TTLL11: variants seen among roughly 807,000 people sequenced by gnomAD.
TTLL11 encodes tubulin tyrosine ligase like 11.
Under a neutral mutation model 51.7 loss-of-function variants are expected in TTLL11, and 42 were observed. The ratio of observed to expected loss-of-function variants is 0.81; its 90% CI spans 0.64 to 1.05. TTLL11 has a LOEUF of 1.05. TTLL11 is among the 50% of genes least tolerant of loss of function. The pLI is 0.00. For synonymous variants in TTLL11, 381 were observed against 383.5 expected, an observed-to-expected ratio of 0.99 and a Z score of 0.08; for missense variants, 799 against 940.4, an observed-to-expected ratio of 0.85 and a Z score of 1.97.
intron 1 of TTLL11, among the ~76,000 whole-genome samples, chr9:122,065,765 A>G (rs1217624717): frequency 6.6e-6 from 1 of 152,208 alleles, no homozygotes; most frequent in African/African-American, 2.4e-5. Context: ...AATAGGTGAG[A>G]TAATGGAGGG....
intron 7 of TTLL11, among the ~76,000 whole-genome samples, chr9:121,864,991 T>C (rs1838136076): frequency 6.6e-6 from 1 of 152,172 alleles, no homozygotes; most frequent in African/African-American, 2.4e-5. Context: ...ATGTGAAAGC[T>C]AACAAATGAT....
chr9:122,030,203 G>C (rs75499532), intron 3 of TTLL11, among the ~76,000 whole-genome samples: 1 of 53,072 alleles, frequency 1.9e-5, no homozygotes, highest in Non-Finnish European at 3.7e-5. Context: ...GAGAGACATT[G>C]GGGGGGGGGG....
chr9:122,013,059 T>C (rs575462204), intron 3 of TTLL11, among the ~76,000 whole-genome samples: 2 of 152,286 alleles, frequency 1.3e-5, no homozygotes, highest in African/African-American at 4.8e-5. Flanking sequence ...GGAGAGCAGA[T>C]AAGTAAATGT....
At chr9:122,033,662 G>A (rs1699038500) in intron 2 of TTLL11, among the ~76,000 whole-genome samples, 1 of 152,152 alleles carries the variant, frequency 6.6e-6, no homozygotes, top group Non-Finnish European at 1.5e-5. Context: ...AAACATCTGG[G>A]AAGGAAAGTT....
In TTLL11 at chr9:121,981,127, C is replaced by A. The variant is rs113988736; in HGVS notation, c.1270-6148G>T. ...ATTTGGAAAATTTTGGCCATTATTT[C>A]TTCAAAAGTTTTTTTTTTTTTAAAT... On this transcript the variant is annotated intron_variant, in intron 4 of 8. Coordinates refer to ENST00000321582, the MANE Select transcript of TTLL11 (RefSeq NM_001139442.2). Among the ~76,000 whole-genome samples the A allele has an allele frequency of 6.3e-3, 876 of 139,662 alleles. 10 individuals carry two copies. The highest frequency in any genetic ancestry group is 0.023 in the African/African-American group (844 of 36,202). 91.6% of individuals were successfully genotyped at this position (139,662 alleles called of 152,430 possible). A position where few individuals can be genotyped will look rare whatever the true frequency, so the allele number is the denominator to read the frequency against.
chr9:121,872,507 T>A (rs968857350), intron 6 of TTLL11, among the ~76,000 whole-genome samples: 3 of 152,364 alleles, frequency 2.0e-5, no homozygotes, highest in Middle Eastern at 3.4e-3. Context: ...TGAAAAAGTT[T>A]GCAACGTAAG....
chr9:121,845,904 T>C (rs763054219), intron 8 of TTLL11, among the ~76,000 whole-genome samples: 3 of 152,142 alleles, frequency 2.0e-5, no homozygotes, highest in Admixed American at 6.5e-5. Context: ...CAAACATTGA[T>C]AGGTATCAAT....
chr9:121,945,951 C>T (rs1841645118), intron 6 of TTLL11, among the ~76,000 whole-genome samples: 1 of 152,138 alleles, frequency 6.6e-6, no homozygotes, highest in Admixed American at 6.5e-5. Flanking sequence ...CCCATCCTTC[C>T]TTCCATCTTT....
intron 6 of TTLL11, among the ~76,000 whole-genome samples, chr9:121,937,574 C>G (rs577094643): frequency 3.3e-5 from 5 of 151,128 alleles, no homozygotes; most frequent in Middle Eastern, 3.4e-3. Flanking sequence ...TATTCCCCCC[C>G]ACCCTTCTCT....
chr9:122,093,256 C>T lies in TTLL11; in HGVS notation c.-108G>A, dbSNP rs754366015. 8 of 1,520,316 alleles carry T rather than the reference C, an allele frequency of 5.3e-6. No homozygotes were observed. Among genetic ancestry groups the T allele is most frequent in the Non-Finnish European group, 7.0e-6 (8 of 1,146,080 alleles). The allele number at this position is 1,520,316 out of a possible 1,614,324, so 94.2% of individuals were successfully genotyped here. A position where few individuals can be genotyped will look rare whatever the true frequency, so the allele number is the denominator to read the frequency against. On this transcript the variant is annotated 5_prime_UTR_variant, in exon 1 of 9. Transcript: ENST00000321582. The stretch of plus-strand genomic sequence containing the variant: ...CCGCTGCAGCCGCTGCCACGCGTTC[C>T]CCGCCCGAGCCCGTTGCCATGATCG...
At chr9:121,974,496 A>G (rs1349364725) in intron 5 of TTLL11, among the ~76,000 whole-genome samples, 1 of 151,640 alleles carries the variant, frequency 6.6e-6, no homozygotes, top group African/African-American at 2.4e-5. Context: ...GGGGAGGGGG[A>G]GAAAAATATA....
chr9:122,020,334 A>C (rs1432226165), intron 3 of TTLL11, among the ~76,000 whole-genome samples: 5 of 152,200 alleles, frequency 3.3e-5, no homozygotes, highest in Non-Finnish European at 5.9e-5. Context: ...ATTTGCCCTC[A>C]GCCCTGTCCA....
At chr9:122,059,182 C>T (rs1588245850) in intron 1 of TTLL11, among the ~76,000 whole-genome samples, 1 of 152,180 alleles carries the variant, frequency 6.6e-6, no homozygotes, top group Non-Finnish European at 1.5e-5. Context: ...ACTCAGGAAA[C>T]TGAGATTCTA....
chr9:122,049,829 G>T (rs1845111161), intron 1 of TTLL11, among the ~76,000 whole-genome samples: 1 of 152,164 alleles, frequency 6.6e-6, no homozygotes, highest in African/African-American at 2.4e-5. Context: ...TCTGTACTTT[G>T]TGAATGATTT....
intron 8 of TTLL11, among the ~76,000 whole-genome samples, chr9:121,855,801 T>C (rs1196974679): frequency 6.6e-6 from 1 of 152,230 alleles, no homozygotes; most frequent in Non-Finnish European, 1.5e-5. Flanking sequence ...ATGCTTTGCA[T>C]GTTCCAGGCC....
intron 1 of TTLL11, among the ~76,000 whole-genome samples, chr9:122,067,653 C>T (rs541875375): frequency 5.4e-4 from 83 of 152,296 alleles, no homozygotes; most frequent in South Asian, 3.1e-3. Flanking sequence ...CAGGCGCCCA[C>T]TGCCACGCCC....
chr9:121,911,261 G>T (rs1451130731), intron 6 of TTLL11, among the ~76,000 whole-genome samples: 1 of 152,118 alleles, frequency 6.6e-6, no homozygotes, highest in South Asian at 2.1e-4. Context: ...GCCAGGCATG[G>T]TGGCGGGCGT....
intron 3 of TTLL11, among the ~76,000 whole-genome samples, chr9:122,030,142 G>A (rs556918830): frequency 2.8e-5 from 4 of 143,836 alleles, no homozygotes; most frequent in Non-Finnish European, 4.5e-5. Flanking sequence ...TGCAAAGCTG[G>A]GAAGGAAAGG....
At chr9:121,850,809 T>C (rs939987983) in intron 8 of TTLL11, among the ~76,000 whole-genome samples, 2 of 152,146 alleles carry the variant, frequency 1.3e-5, no homozygotes, top group Admixed American at 1.3e-4. Context: ...AAATTAACCA[T>C]TGCACCATAC....
Sources: gnomAD v4.1 joint callset for allele counts (sites outside exome capture counted in the v4.1 genomes callset) on GRCh38, gnomAD v4.1.1 for gene constraint, MANE v1.5 for transcripts, NCBI Gene and HGNC (gene_info 2026-07-23, HGNC 2026-07-21) for gene names.